ENOX2: variants seen among roughly 807,000 people sequenced by gnomAD.
ENOX2 encodes the protein APK1 antigen.
In ENOX2, 36 loss-of-function variants were observed where a neutral mutation model predicts 45.0. The observed-to-expected ratio is 0.80, with a 90% CI of 0.61 to 1.06. The LOEUF (loss-of-function observed/expected upper bound fraction) is 1.06. Ranked by LOEUF, ENOX2 falls within the 50% of genes least tolerant of loss-of-function variation. ENOX2 has a pLI of 0.00. For synonymous variants in ENOX2, 174 were observed against 152.3 expected, an observed-to-expected ratio of 1.14 and a Z score of -1.05; for missense variants, 423 against 462.5, an observed-to-expected ratio of 0.91 and a Z score of 0.78.
intron 5 of ENOX2, among the ~76,000 whole-genome samples, chrX:130,687,583 T>C (rs1461466981): frequency 2.7e-5 from 3 of 112,331 alleles, no homozygotes; most frequent in Non-Finnish European, 3.8e-5. Flanking sequence ...GAATGGCCAT[T>C]TGAGCTGGCA....
intron 2 of ENOX2, among the ~76,000 whole-genome samples, chrX:130,802,462 C>A (rs1201555933): frequency 8.9e-6 from 1 of 112,043 alleles, no homozygotes; most frequent in Admixed American, 9.6e-5. Context: ...ATTTTAACAA[C>A]AATAATTTAT....
chrX:130,730,649 G>A (rs2038715773), intron 3 of ENOX2, among the ~76,000 whole-genome samples: 1 of 110,699 alleles, frequency 9.0e-6, no homozygotes, highest in Non-Finnish European at 1.9e-5. Flanking sequence ...TCAGGGAACA[G>A]CTTGCTTTTA....
intron 4 of ENOX2, among the ~76,000 whole-genome samples, 183 bp downstream of exon 4, chrX:130,702,937 T>A (rs957473342): frequency 2.7e-5 from 3 of 112,176 alleles, no homozygotes; most frequent in Non-Finnish European, 5.6e-5. Context: ...ATGTCCAAAG[T>A]GCAAAACGGA....
In ENOX2 at chrX:130,669,108, G is replaced by A. The variant is rs187311955; in HGVS notation, c.694+857C>T. ...GAAGGAGACCTATTTGGAAAGTAGG[G>A]TTAGCAGTATCTTGATGAGTTGAGA... On this transcript the variant is annotated intron_variant, in intron 7 of 14. Transcript: ENST00000394363. Among the ~76,000 whole-genome samples the A allele has an allele frequency of 4.0e-3, 444 of 112,184 alleles. 2 individuals carry two copies. The highest frequency in any genetic ancestry group is 0.014 in the African/African-American group (429 of 30,925).
rs1336315664 is a variant in ENOX2, at chrX:130,685,417, C to T, written c.253+3446G>A. On this transcript the variant is annotated intron_variant, in intron 5 of 14. Coordinates refer to ENST00000394363, the MANE Select transcript of ENOX2 (RefSeq NM_006375.4). The stretch of plus-strand genomic sequence containing the variant: ...TTAGGTTTTAAAAGGATCACTCTGT[C>T]TGTTCTGTTCAGAATAGACTGTAGG... Among the ~76,000 whole-genome samples the T allele has an allele frequency of 2.7e-5, 3 of 111,918 alleles. No individual in the cohort carries two copies. In the South Asian group the frequency reaches 1.1e-3, roughly 42 times the overall value.
intron 3 of ENOX2, among the ~76,000 whole-genome samples, chrX:130,741,390 T>A (rs2038978603): frequency 9.0e-6 from 1 of 111,644 alleles, no homozygotes; most frequent in Non-Finnish European, 1.9e-5. Context: ...CTTATCTCCA[T>A]CCACTTGACC....
chrX:130,678,145 A>G (rs2037204512), intron 6 of ENOX2, among the ~76,000 whole-genome samples: 1 of 110,749 alleles, frequency 9.0e-6, no homozygotes, highest in Non-Finnish European at 1.9e-5. Context: ...CAGAAAATGG[A>G]CCAAGACACA....
At chrX:130,791,330 TC>T (rs112614291) in intron 2 of ENOX2, among the ~76,000 whole-genome samples, 1,804 of 110,641 alleles carry the variant, frequency 0.016, 33 homozygotes, top group African/African-American at 0.055. Flanking sequence ...TAGTCTCTCC[TC>T]CCCCAAGACG....
chrX:130,817,536 C>T (rs1265103596), intron 2 of ENOX2, among the ~76,000 whole-genome samples: 1 of 111,693 alleles, frequency 9.0e-6, no homozygotes, highest in African/African-American at 3.3e-5. Flanking sequence ...ACTGACCAAC[C>T]GAATCCAGCA....
chrX:130,716,083 TTAA>T (rs1276462281), intron 3 of ENOX2, among the ~76,000 whole-genome samples: 2 of 111,358 alleles, frequency 1.8e-5, no homozygotes, highest in African/African-American at 6.5e-5. Flanking sequence ...GAACCAGCCA[TTAA>T]TAATATTAGA....
At chrX:130,703,027 G>A in intron 4 of ENOX2, 93 bp downstream of exon 4, 2 of 935,334 alleles carry the variant, frequency 2.1e-6, no homozygotes, top group South Asian at 2.5e-5. Context: ...TCTGGTAAAT[G>A]TCAACTTCAA....
intron 3 of ENOX2, among the ~76,000 whole-genome samples, chrX:130,775,291 G>A (rs1265175055): frequency 9.1e-6 from 1 of 110,219 alleles, no homozygotes; most frequent in African/African-American, 3.3e-5. Flanking sequence ...GGGGCAGGAG[G>A]GTTGCTTGAG....
intron 2 of ENOX2, among the ~76,000 whole-genome samples, chrX:130,848,673 G>A (rs990349174): frequency 8.9e-6 from 1 of 111,863 alleles, no homozygotes; most frequent in Non-Finnish European, 1.9e-5. Flanking sequence ...TTGCACCAGA[G>A]AGAACATTCT....
At chrX:130,703,371 G>A in intron 3 of ENOX2, 117 bp from the exon 4 acceptor site, 1 of 654,483 alleles carries the variant, frequency 1.5e-6, no homozygotes. Flanking sequence ...ATGGACAAGT[G>A]GTGGATAAGG....
At chrX:130,819,113 CAT>C (rs369993009) in intron 2 of ENOX2, among the ~76,000 whole-genome samples, 370 of 112,147 alleles carry the variant, frequency 3.3e-3, no homozygotes, top group African/African-American at 0.011. Flanking sequence ...GGCCAACAAA[CAT>C]ATGAAAAAAA....
In ENOX2 at chrX:130,766,232, T is replaced by C. The variant is rs1047631211; in HGVS notation, c.-39+17315A>G. Among the ~76,000 whole-genome samples, 5 of 111,792 alleles carry C rather than the reference T, an allele frequency of 4.5e-5. No individual in the cohort carries two copies. In the East Asian group the frequency reaches 1.4e-3, roughly 31 times the overall value. On this transcript the variant is annotated intron_variant, in intron 3 of 14. Transcript: ENST00000394363. The stretch of plus-strand genomic sequence containing the variant: ...ATGTTTTATCTCTGAACAAGCTAAC[T>C]GGCCAAATGTGTGTGTACAATTTTC...
chrX:130,681,317 T>C (rs1410243702), intron 5 of ENOX2, among the ~76,000 whole-genome samples: 1 of 112,351 alleles, frequency 8.9e-6, no homozygotes, highest in Non-Finnish European at 1.9e-5. Context: ...ATTTGGAAGT[T>C]AAACAAATAA....
intron 6 of ENOX2, among the ~76,000 whole-genome samples, chrX:130,674,722 C>T (rs761947196): frequency 9.3e-6 from 1 of 107,025 alleles, no homozygotes; most frequent in South Asian, 4.3e-4. Flanking sequence ...CACCCACTAA[C>T]TCGTCATCTA....
intron 3 of ENOX2, among the ~76,000 whole-genome samples, chrX:130,771,621 T>C (rs2039744044): frequency 8.9e-6 from 1 of 112,188 alleles, no homozygotes; most frequent in Admixed American, 9.4e-5. Context: ...ATCACTTCCC[T>C]GGGCTATTTC....
Sources: allele counts gnomAD v4.1 joint callset (sites outside exome capture counted in the v4.1 genomes callset), GRCh38; gene constraint gnomAD v4.1.1; transcripts MANE v1.5; gene names NCBI Gene and HGNC (gene_info 2026-07-23, HGNC 2026-07-21).